CDK8: variants seen among roughly 807,000 people sequenced by gnomAD.
CDK8 encodes the protein cyclin-dependent kinase 8.
CDK8 carries 29 observed loss-of-function variants against 71.5 expected under a neutral mutation model. The observed-to-expected ratio is 0.41, with a 90% CI of 0.30 to 0.55. The LOEUF is 0.55. Ranked by LOEUF, CDK8 falls within the 20% of genes least tolerant of loss-of-function variation. CDK8 has a pLI of 0.37. For missense variants in CDK8, 288 were observed against 572.6 expected (o/e 0.50, Z 5.07); for synonymous variants, 161 against 192.1 (o/e 0.84, Z 1.34).
At chr13:26,348,572 C>T (rs955107010) in intron 2 of CDK8, among the ~76,000 whole-genome samples, 17 of 152,202 alleles carry the variant, frequency 1.1e-4, no homozygotes, top group African/African-American at 3.4e-4. Flanking sequence ...CCCCAGCCCC[C>T]GCCCTGCACC....
chr13:26,254,610 GA>G lies in CDK8; in HGVS notation c.-31del. 1.5e-6 allele frequency: 1 copy of G among 664,594 alleles called. No individual in the cohort carries two copies. The highest frequency in any genetic ancestry group is 2.5e-6 in the Non-Finnish European group (1 of 406,462). The allele number at this position is 664,594 out of a possible 1,614,324, so 41.2% of individuals were successfully genotyped here. A position where few individuals can be genotyped will look rare whatever the true frequency, so the allele number is the denominator to read the frequency against. ...CCCCACCCCTGCCCCCCGGCCCCCC[GA>G]CCCAGCTCTCCGGCCTCAGAGGCTG... On this transcript the variant is annotated 5_prime_UTR_variant, in exon 1 of 13. Coordinates refer to ENST00000381527, the MANE Select transcript of CDK8 (RefSeq NM_001260.3). This position sits in a 1 kb window ranked among gnomAD's most constrained non-coding sequence, Gnocchi z 6.7.
intron 1 of CDK8, among the ~76,000 whole-genome samples, chr13:26,330,451 C>T (rs182378253): frequency 6.6e-6 from 1 of 152,198 alleles, no homozygotes; most frequent in Non-Finnish European, 1.5e-5. Context: ...GTGATCTGCC[C>T]GCCTTTCCCT....
chr13:26,352,376 C>T (rs774239500), intron 3 of CDK8, among the ~76,000 whole-genome samples: 6 of 152,002 alleles, frequency 3.9e-5, no homozygotes, highest in African/African-American at 7.2e-5. Flanking sequence ...CCACCACTCC[C>T]GGCTAATTTT....
At chr13:26,386,895 TCA>T (rs892455113) in intron 6 of CDK8, among the ~76,000 whole-genome samples, 31 of 152,312 alleles carry the variant, frequency 2.0e-4, no homozygotes, top group African/African-American at 7.2e-4. Context: ...TCCTTGTATT[TCA>T]CAGTGATATG....
chr13:26,259,828 T>C (rs903244968), intron 1 of CDK8, among the ~76,000 whole-genome samples: 8 of 152,352 alleles, frequency 5.3e-5, no homozygotes, highest in Admixed American at 3.9e-4. Flanking sequence ...TGCCAAGCAC[T>C]GTCCAAGGTA....
intron 1 of CDK8, among the ~76,000 whole-genome samples, chr13:26,316,456 G>A (rs905144414): frequency 2.0e-5 from 3 of 152,100 alleles, no homozygotes; most frequent in Non-Finnish European, 4.4e-5. Context: ...CCTCCATCTA[G>A]AGTCACTTCT....
At chr13:26,378,423 G>T (rs1260398886) in intron 4 of CDK8, among the ~76,000 whole-genome samples, 1 of 152,126 alleles carries the variant, frequency 6.6e-6, no homozygotes, top group African/African-American at 2.4e-5. Context: ...AGTTTTTTGG[G>T]AGTGCAGCAG....
intron 2 of CDK8, among the ~76,000 whole-genome samples, chr13:26,339,695 T>TTTTTTTTA (rs1555231130): frequency 7.3e-6 from 1 of 136,426 alleles, no homozygotes; most frequent in African/African-American, 2.7e-5. Context: ...ATACTTTCCA[T>TTTTTTTTA]TTTATTTATT....
intron 1 of CDK8, among the ~76,000 whole-genome samples, chr13:26,332,222 T>G (rs1042329594): frequency 3.3e-5 from 5 of 151,942 alleles, no homozygotes; most frequent in Admixed American, 3.3e-4. Flanking sequence ...GTCTTTAGGT[T>G]TTTTTTAATA....
intron 1 of CDK8, among the ~76,000 whole-genome samples, chr13:26,292,689 T>C (rs1277505280): frequency 6.6e-6 from 1 of 152,182 alleles, no homozygotes; most frequent in Non-Finnish European, 1.5e-5. Flanking sequence ...AAGAGAAGAA[T>C]GCATATTGGG....
intron 1 of CDK8, chr13:26,324,655 T>A (rs1874941736): frequency 6.3e-6 from 1 of 159,976 alleles, no homozygotes; most frequent in Non-Finnish European, 1.3e-5. Context: ...TTTCTGTTTT[T>A]AGGGTTGCCC....
intron 1 of CDK8, among the ~76,000 whole-genome samples, chr13:26,319,591 G>C (rs1874670359): frequency 6.6e-6 from 1 of 151,698 alleles, no homozygotes; most frequent in Non-Finnish European, 1.5e-5. Flanking sequence ...CATATCCTAT[G>C]TTCATGAATT....
At chr13:26,387,480 C>A (rs150076773) in intron 6 of CDK8, among the ~76,000 whole-genome samples, 1 of 152,144 alleles carries the variant, frequency 6.6e-6, no homozygotes, top group East Asian at 1.9e-4. Context: ...TGCCAGAAGG[C>A]GCAGGTCTTT....
At chr13:26,261,346 G>C (rs1384894146) in intron 1 of CDK8, among the ~76,000 whole-genome samples, 1 of 152,172 alleles carries the variant, frequency 6.6e-6, no homozygotes, top group Non-Finnish European at 1.5e-5. Context: ...CCTTTTAAAA[G>C]TATGTGATCA....
intron 1 of CDK8, among the ~76,000 whole-genome samples, chr13:26,321,441 T>G (rs2137947997): frequency 6.6e-6 from 1 of 151,368 alleles, no homozygotes; most frequent in Non-Finnish European, 1.5e-5. Flanking sequence ...AGGTGAAAAG[T>G]GTTCTGGAGA....
At chr13:26,339,077 T>C (rs1289180506) in intron 2 of CDK8, among the ~76,000 whole-genome samples, 1 of 152,122 alleles carries the variant, frequency 6.6e-6, no homozygotes, top group Non-Finnish European at 1.5e-5. Flanking sequence ...AAGCCTACTT[T>C]TAATGTACTT....
At chr13:26,393,673 G>A (rs1593310572) in intron 7 of CDK8, among the ~76,000 whole-genome samples, 163 bp downstream of exon 7, 1 of 152,116 alleles carries the variant, frequency 6.6e-6, no homozygotes, top group Non-Finnish European at 1.5e-5. Flanking sequence ...AGCAAAATTT[G>A]TAGAGTTTAC....
At chr13:26,345,063 G>A (rs1014536980) in intron 2 of CDK8, among the ~76,000 whole-genome samples, 6 of 152,144 alleles carry the variant, frequency 3.9e-5, no homozygotes, top group African/African-American at 1.4e-4. Context: ...AGTAATGCAC[G>A]TTGTGCTACA....
intron 1 of CDK8, among the ~76,000 whole-genome samples, chr13:26,323,314 AG>A (rs2137950989): frequency 7.6e-6 from 1 of 131,572 alleles, no homozygotes; most frequent in Admixed American, 8.7e-5. Context: ...AGAGAGAGAG[AG>A]AGAGAGAGAG....
Sources: allele counts gnomAD v4.1 joint callset (sites outside exome capture counted in the v4.1 genomes callset), GRCh38; gene constraint gnomAD v4.1.1; non-coding constraint Gnocchi (gnomAD v3.1); transcripts MANE v1.5; gene names NCBI Gene and HGNC (gene_info 2026-07-23, HGNC 2026-07-21).